PCDH9: variants seen among roughly 807,000 people sequenced by gnomAD.
The protein encoded by PCDH9 is protocadherin-9.
In PCDH9, 24 loss-of-function variants were observed where a neutral mutation model predicts 70.6. The observed-to-expected ratio is 0.34, with a 90% CI of 0.25 to 0.48. The LOEUF is 0.48. Among genes scored for constraint, PCDH9 ranks in the 20% least tolerant of loss-of-function variants. The pLI, the probability that PCDH9 is intolerant of heterozygous loss-of-function variation, is 0.99. For synonymous variants in PCDH9, 562 were observed against 558.5 expected (o/e 1.01, Z -0.09); for missense variants, 1,281 against 1,503.6 (o/e 0.85, Z 2.45).
At chr13:66,699,041 AG>A (rs1260032001) in intron 3 of PCDH9, among the ~76,000 whole-genome samples, 1 of 151,234 alleles carries the variant, frequency 6.6e-6, no homozygotes, top group Non-Finnish European at 1.5e-5. Flanking sequence ...CAGCCTCCGG[AG>A]TAGCTGAAAT....
chr13:66,737,185 A>G (rs2079163035), intron 3 of PCDH9, among the ~76,000 whole-genome samples: 1 of 89,974 alleles, frequency 1.1e-5, no homozygotes, highest in African/African-American at 3.0e-5. Flanking sequence ...ACTAAGTTAA[A>G]ACATGTATTT....
chr13:67,080,643 G>A (rs544734388), intron 2 of PCDH9, among the ~76,000 whole-genome samples: 1 of 152,150 alleles, frequency 6.6e-6, no homozygotes, highest in Non-Finnish European at 1.5e-5. Flanking sequence ...AAGTGTATTA[G>A]CAAATCAAAA....
intron 2 of PCDH9, among the ~76,000 whole-genome samples, chr13:67,128,478 C>T (rs937839853): frequency 1.3e-5 from 2 of 152,140 alleles, no homozygotes; most frequent in Admixed American, 1.3e-4. Context: ...TTTACATGAC[C>T]TCGTGCTGAA....
intron 3 of PCDH9, among the ~76,000 whole-genome samples, chr13:66,720,109 G>A (rs1566146988): frequency 6.6e-6 from 1 of 151,868 alleles, no homozygotes; most frequent in Non-Finnish European, 1.5e-5. Flanking sequence ...GTTGTTAACT[G>A]TATTTAACTT....
chr13:67,093,710 T>TA (rs1399129988), intron 2 of PCDH9, among the ~76,000 whole-genome samples: 1 of 152,146 alleles, frequency 6.6e-6, no homozygotes, highest in East Asian at 1.9e-4. Flanking sequence ...GCTACATAGT[T>TA]ACAGACAGTG....
intron 2 of PCDH9, among the ~76,000 whole-genome samples, chr13:66,948,198 T>C (rs977507372): frequency 1.3e-5 from 2 of 152,150 alleles, no homozygotes; most frequent in African/African-American, 4.8e-5. Context: ...TTGGAAATAG[T>C]AGCAGGTTAT....
intron 4 of PCDH9, among the ~76,000 whole-genome samples, chr13:66,473,365 A>G (rs1958656043): frequency 2.0e-5 from 3 of 150,404 alleles, no homozygotes; most frequent in South Asian, 4.2e-4. Flanking sequence ...TTATAAGTTA[A>G]TAACAATAAA....
intron 3 of PCDH9, among the ~76,000 whole-genome samples, chr13:66,713,783 T>G (rs1207039614): frequency 6.6e-6 from 1 of 151,660 alleles, no homozygotes; most frequent in East Asian, 1.9e-4. Context: ...TTATTCCTCT[T>G]CAGCTTACTC....
chr13:67,021,199 T>C (rs777469177), intron 2 of PCDH9, among the ~76,000 whole-genome samples: 17 of 152,200 alleles, frequency 1.1e-4, no homozygotes, highest in Non-Finnish European at 1.8e-4. Flanking sequence ...GCTTATGTTA[T>C]ATTGCTGTAC....
intron 2 of PCDH9, among the ~76,000 whole-genome samples, chr13:67,130,863 C>T (rs569142952): frequency 2.3e-4 from 35 of 152,092 alleles, no homozygotes; most frequent in African/African-American, 3.9e-4. Flanking sequence ...AGGTTTTATG[C>T]TGGACATAAA....
rs75200258 is a variant in PCDH9 at position 66,412,790 on chromosome 13, G to C, written c.3341-107762C>G. ...TTTCTTTGGCCCCTTCTCAATTTTT[G>C]TCCTTCTGCTAATTGAGTAAAAGTA... On this transcript the variant is annotated intron_variant, in intron 4 of 4. Coordinates refer to ENST00000377865, the MANE Select transcript of PCDH9 (RefSeq NM_203487.3). Among the ~76,000 whole-genome samples, 103 of 152,018 alleles carry C rather than the reference G, an allele frequency of 6.8e-4. 1 individual carries two copies. In the East Asian group the frequency reaches 0.019, roughly 28 times the overall value.
At chr13:66,975,444 G>C (rs748652987) in intron 2 of PCDH9, among the ~76,000 whole-genome samples, 1 of 151,922 alleles carries the variant, frequency 6.6e-6, no homozygotes, top group Non-Finnish European at 1.5e-5. Flanking sequence ...AAACCATCCC[G>C]CTAGGTAGAT....
intron 2 of PCDH9, among the ~76,000 whole-genome samples, chr13:66,915,836 C>T (rs1423643322): frequency 1.3e-5 from 2 of 151,598 alleles, no homozygotes; most frequent in African/African-American, 4.8e-5. Context: ...TCTTTTAGCC[C>T]TAGCTCTTTT....
intron 4 of PCDH9, among the ~76,000 whole-genome samples, chr13:66,594,822 G>A (rs896407071): frequency 1.1e-4 from 16 of 151,594 alleles, no homozygotes; most frequent in Non-Finnish European, 2.9e-5. Context: ...CCCTGCAAAG[G>A]ACATAATCTT....
intron 4 of PCDH9, among the ~76,000 whole-genome samples, chr13:66,453,085 T>G (rs916384374): frequency 2.0e-5 from 3 of 152,178 alleles, no homozygotes; most frequent in Non-Finnish European, 4.4e-5. Context: ...AATAATTTTC[T>G]GTCCTCAGGA....
chr13:66,758,766 T>C (rs1327130689), intron 3 of PCDH9, among the ~76,000 whole-genome samples: 1 of 152,118 alleles, frequency 6.6e-6, no homozygotes, highest in Non-Finnish European at 1.5e-5. Flanking sequence ...TTTTCTCTGA[T>C]GGAAGACTTT....
intron 2 of PCDH9, among the ~76,000 whole-genome samples, chr13:66,974,581 G>T (rs1402191821): frequency 6.6e-6 from 1 of 151,950 alleles, no homozygotes; most frequent in African/African-American, 2.4e-5. Context: ...CCATACTACA[G>T]TTATGTATTA....
At position 67,163,091 on chromosome 13, in the gene PCDH9, C is replaced by G. The variant is rs561700638; in HGVS notation, c.3036+62314G>C. On this transcript the variant is annotated intron_variant, in intron 2 of 4. Transcript: ENST00000377865. ...CTTATAAAATCAGAGAAGTGGTCAA[C>G]TCCAGGCTTTCACATATTTGGTTAC... Among the ~76,000 whole-genome samples the G allele has an allele frequency of 2.0e-5, 3 of 152,246 alleles. No individual in the cohort carries two copies. In the East Asian group the frequency reaches 5.8e-4, roughly 29 times the overall value.
chr13:67,002,574 T>TTA (rs1555295976), intron 2 of PCDH9, among the ~76,000 whole-genome samples: 2 of 150,786 alleles, frequency 1.3e-5, no homozygotes, highest in South Asian at 4.2e-4. Flanking sequence ...TTTAAGAAGA[T>TTA]AAAAAAAAAC....
Sources: allele counts gnomAD v4.1 joint callset (sites outside exome capture counted in the v4.1 genomes callset), GRCh38; gene constraint gnomAD v4.1.1; transcripts MANE v1.5; gene names NCBI Gene and HGNC (gene_info 2026-07-23, HGNC 2026-07-21).